The following MARCHF1 variants were observed in gnomAD, a reference collection of about 807,000 sequenced individuals.
MARCHF1 encodes the protein E3 ubiquitin-protein ligase MARCHF1.
MARCHF1 carries 40 observed loss-of-function variants against 54.2 expected under a neutral mutation model. That is an observed-to-expected ratio of 0.74 (90% CI 0.57 to 0.96). The LOEUF is 0.96. MARCHF1 is among the 40% of genes least tolerant of loss of function. MARCHF1 has a pLI of 0.00. For missense variants in MARCHF1, 586 were observed against 656.5 expected (o/e 0.89, Z 1.17); for synonymous variants, 236 against 236.3 (o/e 1.00, Z 0.01).
At chr4:163,614,661 A>C (rs1357402430) in intron 5 of MARCHF1, among the ~76,000 whole-genome samples, 1 of 152,158 alleles carries the variant, frequency 6.6e-6, no homozygotes, top group African/African-American at 2.4e-5. Flanking sequence ...TAGTAGGCTA[A>C]ATAATGGTCC....
intron 2 of MARCHF1, among the ~76,000 whole-genome samples, chr4:164,055,932 C>T (rs887903507): frequency 6.6e-6 from 1 of 152,134 alleles, no homozygotes; most frequent in African/African-American, 2.4e-5. Flanking sequence ...TGATGCTGCT[C>T]ATCTCTGTCA....
intron 8 of MARCHF1, among the ~76,000 whole-genome samples, chr4:163,562,655 T>G (rs778753911): frequency 6.6e-6 from 1 of 152,200 alleles, no homozygotes; most frequent in Admixed American, 6.5e-5. Context: ...AGAGACATCC[T>G]GATGACTTCT....
chr4:163,691,182 G>A (rs975063444), intron 5 of MARCHF1, among the ~76,000 whole-genome samples: 4 of 152,178 alleles, frequency 2.6e-5, no homozygotes, highest in Non-Finnish European at 5.9e-5. Flanking sequence ...GTTGTATCAG[G>A]CCGGCAGCAT....
intron 1 of MARCHF1, among the ~76,000 whole-genome samples, chr4:164,282,384 C>G (rs1034142400): frequency 6.6e-6 from 1 of 150,886 alleles, no homozygotes. Context: ...CCTTGAACAC[C>G]TTACCTGTAT....
chr4:164,303,473 C>T lies in MARCHF1; in HGVS notation c.-323+80397G>A, dbSNP rs141710233. On this transcript the variant is annotated intron_variant, in intron 1 of 9. Coordinates refer to ENST00000514618, the MANE Select transcript of MARCHF1 (RefSeq NM_001394959.1). ...CTTTTCGGAGCTTAGTTTCCTATCC[C>T]TAGCCTTTGATAGGATTAAATAATC... Among the ~76,000 whole-genome samples, 849 of 152,284 alleles carry T rather than the reference C, an allele frequency of 5.6e-3. 12 individuals are homozygous for T. Among genetic ancestry groups the T allele is most frequent in the African/African-American group, 0.019 (789 of 41,558 alleles).
rs1194661246 is a variant in MARCHF1, at chr4:163,571,199, A to T, written c.1191+14550T>A. ...CCTTGAGTCATACTTTAATAGTTGGAATTGGACCTGTCTGGAATTACTAGA... is the reference window on the plus strand; with the variant it reads ...CCTTGAGTCATACTTTAATAGTTGGTATTGGACCTGTCTGGAATTACTAGA... On this transcript the variant is annotated intron_variant, in intron 8 of 9. Transcript: ENST00000514618. Among the ~76,000 whole-genome samples the T allele has an allele frequency of 2.0e-5, 3 of 152,086 alleles. No homozygotes were observed. In the East Asian group the frequency reaches 5.8e-4, roughly 29 times the overall value.
At chr4:164,183,271 G>C (rs543363586) in intron 1 of MARCHF1, among the ~76,000 whole-genome samples, 2 of 152,252 alleles carry the variant, frequency 1.3e-5, no homozygotes, top group East Asian at 1.9e-4. Context: ...ATTGCCAAAT[G>C]AATGTATGAT....
chr4:164,077,932 G>A (rs777107741), intron 2 of MARCHF1, among the ~76,000 whole-genome samples: 18 of 152,228 alleles, frequency 1.2e-4, no homozygotes, highest in Non-Finnish European at 1.8e-4. Context: ...CACTGTTGGT[G>A]GGAGTGTAAA....
chr4:163,680,868 G>C (rs1300291561), intron 5 of MARCHF1, among the ~76,000 whole-genome samples: 1 of 151,760 alleles, frequency 6.6e-6, no homozygotes, highest in Non-Finnish European at 1.5e-5. Context: ...ATTATTGCTT[G>C]AATGACTCAT....
At chr4:164,326,957 T>TTTTGTGTGTGTG (rs1554001576) in intron 1 of MARCHF1, among the ~76,000 whole-genome samples, 1 of 133,664 alleles carries the variant, frequency 7.5e-6, no homozygotes, top group Non-Finnish European at 1.6e-5. Context: ...GTTGTAAGGA[T>TTTTGTGTGTGTG]TGTGTGTGTG....
At position 163,776,672 on chromosome 4, in the gene MARCHF1, C is replaced by T. The variant is rs147890509; in HGVS notation, c.112-75809G>A. On this transcript the variant is annotated intron_variant, in intron 4 of 9. Coordinates refer to ENST00000514618, the MANE Select transcript of MARCHF1 (RefSeq NM_001394959.1). Reference sequence around the variant, plus strand: ...GGGCTGACTGTTTTTCACACATCTCCGTATCTCCAACACTCAGCACATTGT... The same window carrying T: ...GGGCTGACTGTTTTTCACACATCTCTGTATCTCCAACACTCAGCACATTGT... 7.7e-3 allele frequency among the ~76,000 whole-genome samples: 1,176 copies of T among 152,170 alleles called. 15 individuals carry two copies. Among genetic ancestry groups the T allele is most frequent in the African/African-American group, 0.027 (1,131 of 41,532 alleles).
chr4:163,547,900 T>C (rs543396708), intron 8 of MARCHF1, among the ~76,000 whole-genome samples: 9 of 152,378 alleles, frequency 5.9e-5, no homozygotes, highest in African/African-American at 1.9e-4. Context: ...ATTCATTCTT[T>C]ATCTTGTACT....
intron 1 of MARCHF1, among the ~76,000 whole-genome samples, chr4:164,202,897 A>C (rs538881266): frequency 6.6e-6 from 1 of 152,330 alleles, no homozygotes; most frequent in Admixed American, 6.5e-5. Flanking sequence ...TTACTCTCTT[A>C]GTTCCTTTTG....
intron 1 of MARCHF1, among the ~76,000 whole-genome samples, chr4:164,176,974 CTCTCTCTATATATATATA>C (rs1376467089): frequency 3.4e-3 from 101 of 29,956 alleles, no homozygotes; most frequent in African/African-American, 0.012. Context: ...CTCTCTCTCT[CTCTCTCTATATATATATA>C]TATATATATA....
At chr4:164,181,284 A>C (rs1370275115) in intron 1 of MARCHF1, among the ~76,000 whole-genome samples, 2 of 152,096 alleles carry the variant, frequency 1.3e-5, no homozygotes, top group Admixed American at 6.6e-5. Context: ...ATTAGGTAAA[A>C]ATTTTCTTTT....
intron 2 of MARCHF1, among the ~76,000 whole-genome samples, chr4:164,036,245 T>C (rs916855969): frequency 3.3e-5 from 5 of 152,180 alleles, no homozygotes; most frequent in Admixed American, 2.0e-4. Context: ...GTCATCTACC[T>C]CACCCATAAG....
intron 5 of MARCHF1, among the ~76,000 whole-genome samples, chr4:163,651,463 G>A (rs941851077): frequency 1.3e-5 from 2 of 150,760 alleles, no homozygotes; most frequent in African/African-American, 2.4e-5. Flanking sequence ...GCCACCTTAG[G>A]TGTCTGCTTT....
chr4:163,563,289 T>C (rs1408791523), intron 8 of MARCHF1, among the ~76,000 whole-genome samples: 2 of 152,238 alleles, frequency 1.3e-5, no homozygotes, highest in African/African-American at 4.8e-5. Flanking sequence ...ATTACCTCTA[T>C]TTAGATAAGA....
chr4:163,610,030 G>C (rs1276365962), intron 7 of MARCHF1, among the ~76,000 whole-genome samples: 1 of 151,998 alleles, frequency 6.6e-6, no homozygotes, highest in Non-Finnish European at 1.5e-5. Context: ...TCCCATCCCT[G>C]TTGTGCTAAT....
Sources: gnomAD v4.1 joint callset for allele counts (sites outside exome capture counted in the v4.1 genomes callset) on GRCh38, gnomAD v4.1.1 for gene constraint, MANE v1.5 for transcripts, NCBI Gene and HGNC (gene_info 2026-07-23, HGNC 2026-07-21) for gene names.